Variants in GRIK4 observed in about 807,000 individuals in gnomAD.
The protein encoded by GRIK4 is glutamate ionotropic receptor kainate type subunit 4.
In GRIK4, 40 loss-of-function variants were observed where a neutral mutation model predicts 104.9. That is an observed-to-expected ratio of 0.38 (90% CI 0.30 to 0.50). The LOEUF (loss-of-function observed/expected upper bound fraction) is 0.50. Among genes scored for constraint, GRIK4 ranks in the 20% least tolerant of loss-of-function variants. The probability of loss-of-function intolerance (pLI) is 0.93; values close to 1 mark genes in which losing one functional copy is unlikely to be tolerated. For missense variants in GRIK4, 1,047 were observed against 1,308.1 expected, an observed-to-expected ratio of 0.80 and a Z score of 3.08; for synonymous variants, 485 against 524.9, an observed-to-expected ratio of 0.92 and a Z score of 1.04.
chr11:120,869,899 C>G (rs776957629), intron 9 of GRIK4: 1 of 152,222 alleles, frequency 6.6e-6, no homozygotes. Flanking sequence ...TGTGTTATTG[C>G]GTGGCTTAGC....
chr11:120,580,196 G>GT (rs1435451338), intron 1 of GRIK4, among the ~76,000 whole-genome samples: 3 of 133,112 alleles, frequency 2.3e-5, no homozygotes, highest in Non-Finnish European at 3.1e-5. Context: ...GAGTACAAGG[G>GT]TTCTTTCTTT....
At chr11:120,548,097 C>A (rs2252233) in intron 1 of GRIK4, among the ~76,000 whole-genome samples, 1 of 152,192 alleles carries the variant, frequency 6.6e-6, no homozygotes, top group South Asian at 2.1e-4. Flanking sequence ...CTGTTACTGG[C>A]GCTGGTAGGT....
intron 1 of GRIK4, among the ~76,000 whole-genome samples, chr11:120,542,386 T>A (rs1948046289): frequency 1.3e-5 from 2 of 152,334 alleles, no homozygotes; most frequent in African/African-American, 4.8e-5. Flanking sequence ...TCCTTCACAT[T>A]AGTCTTGCCA....
At chr11:120,764,151 A>G (rs1052575758) in intron 3 of GRIK4, among the ~76,000 whole-genome samples, 1 of 152,116 alleles carries the variant, frequency 6.6e-6, no homozygotes, top group Non-Finnish European at 1.5e-5. Flanking sequence ...ATATATATTT[A>G]GATAGTTAGC....
chr11:120,934,204 CAAAAAAAAAAA>C (rs35705174), intron 13 of GRIK4, among the ~76,000 whole-genome samples: 24 of 54,238 alleles, frequency 4.4e-4, no homozygotes, highest in East Asian at 1.3e-3. Context: ...GACTCCGTCT[CAAAAAAAAAAA>C]AAAAAAAAAA....
chr11:120,916,445 C>T (rs149946259), intron 13 of GRIK4, among the ~76,000 whole-genome samples: 1 of 152,326 alleles, frequency 6.6e-6, no homozygotes, highest in African/African-American at 2.4e-5. Flanking sequence ...GGAAGTAAGA[C>T]TGGCAACTCT....
intron 3 of GRIK4, among the ~76,000 whole-genome samples, chr11:120,777,324 A>G (rs752255071): frequency 1.3e-5 from 2 of 152,044 alleles, no homozygotes; most frequent in Admixed American, 6.5e-5. Flanking sequence ...CCCTTCTCCA[A>G]CCAGTAGATT....
At chr11:120,605,775 G>A (rs1415627501) in intron 1 of GRIK4, among the ~76,000 whole-genome samples, 11 of 152,236 alleles carry the variant, frequency 7.2e-5, no homozygotes, top group Non-Finnish European at 7.3e-5. Flanking sequence ...CAAGCTTGCC[G>A]TGGGCCTGGT....
At chr11:120,722,074 G>A (rs1382987429) in intron 3 of GRIK4, among the ~76,000 whole-genome samples, 1 of 152,168 alleles carries the variant, frequency 6.6e-6, no homozygotes, top group East Asian at 1.9e-4. Flanking sequence ...TGGGCCTGGG[G>A]TCCAGTGTAG....
intron 3 of GRIK4, among the ~76,000 whole-genome samples, chr11:120,792,579 T>A (rs1379287064): frequency 6.6e-6 from 1 of 151,948 alleles, no homozygotes; most frequent in Non-Finnish European, 1.5e-5. Context: ...GGTGGTGGTG[T>A]TAAGACTGGA....
intron 11 of GRIK4, among the ~76,000 whole-genome samples, chr11:120,895,187 T>C (rs1942544450): frequency 6.6e-6 from 1 of 152,066 alleles, no homozygotes; most frequent in Admixed American, 6.6e-5. Flanking sequence ...GGGCTTCTTT[T>C]AGCAAGTGAT....
chr11:120,541,786 G>C (rs1053206921), intron 1 of GRIK4, among the ~76,000 whole-genome samples: 2 of 151,902 alleles, frequency 1.3e-5, no homozygotes, highest in African/African-American at 2.4e-5. Flanking sequence ...ACTGCGCCTG[G>C]CCAAAAAAAT....
chr11:120,918,248 C>A (rs1037277354), intron 13 of GRIK4, among the ~76,000 whole-genome samples: 2 of 152,156 alleles, frequency 1.3e-5, no homozygotes, highest in Admixed American at 1.3e-4. Context: ...AGTCTCTGAG[C>A]TTGCCAAACT....
chr11:120,698,869 T>A lies in GRIK4; in HGVS notation c.82+38469T>A, dbSNP rs542179366. Among the ~76,000 whole-genome samples the A allele has an allele frequency of 5.9e-5, 9 of 152,342 alleles. No homozygotes were observed. In the East Asian group the frequency reaches 1.7e-3, roughly 29 times the overall value. ...CTCTAAGTGCAAACATTTTTCTCTA[T>A]TTTTGGTGCATTAGATTAATCAGGA... On this transcript the variant is annotated intron_variant, in intron 3 of 20. Transcript: ENST00000527524.
chr11:120,856,273 G>A (rs1156420523), intron 8 of GRIK4, among the ~76,000 whole-genome samples: 5 of 152,210 alleles, frequency 3.3e-5, no homozygotes, highest in African/African-American at 9.6e-5. Context: ...TTCAAAACTT[G>A]TGCTCTTTCT....
intron 2 of GRIK4, among the ~76,000 whole-genome samples, chr11:120,654,474 T>C (rs1007981799): frequency 2.6e-5 from 4 of 152,210 alleles, no homozygotes; most frequent in South Asian, 2.1e-4. Flanking sequence ...GTGATTCTCC[T>C]GCCTCAGCCT....
intron 1 of GRIK4, among the ~76,000 whole-genome samples, chr11:120,634,992 A>G (rs1949380277): frequency 6.6e-6 from 1 of 152,180 alleles, no homozygotes; most frequent in Non-Finnish European, 1.5e-5. Flanking sequence ...CTGGGAGAAG[A>G]CAGACCAGGG....
intron 13 of GRIK4, among the ~76,000 whole-genome samples, chr11:120,924,710 C>T (rs768192054): frequency 2.5e-4 from 38 of 152,258 alleles, no homozygotes; most frequent in Non-Finnish European, 4.1e-4. Flanking sequence ...CAACCTTAGA[C>T]GTTGCTGTGG....
At chr11:120,962,137 C>T (rs561714231) in intron 17 of GRIK4, among the ~76,000 whole-genome samples, 51 of 152,216 alleles carry the variant, frequency 3.4e-4, no homozygotes, top group African/African-American at 1.1e-3. Context: ...TCAGTTCTAC[C>T]GGAAAATGGA....
Sources: allele counts gnomAD v4.1 joint callset (sites outside exome capture counted in the v4.1 genomes callset), GRCh38; gene constraint gnomAD v4.1.1; transcripts MANE v1.5; gene names NCBI Gene and HGNC (gene_info 2026-07-23, HGNC 2026-07-21).